The following SYT9 variants were observed in gnomAD, a reference collection of about 807,000 sequenced individuals.
SYT9 encodes the protein synaptotagmin 9, also known as synaptotagmin-9.
In SYT9, 22 loss-of-function variants were observed where a neutral mutation model predicts 48.4. The ratio of observed to expected loss-of-function variants is 0.45; its 90% CI spans 0.32 to 0.65. The LOEUF (loss-of-function observed/expected upper bound fraction) is 0.65, where lower values mean the gene tolerates loss of function less well. SYT9 is among the 30% of genes least tolerant of loss of function. SYT9 has a pLI of 0.03. For missense variants in SYT9, 577 were observed against 622.0 expected, an observed-to-expected ratio of 0.93 and a Z score of 0.77; for synonymous variants, 265 against 245.0, an observed-to-expected ratio of 1.08 and a Z score of -0.76.
intron 1 of SYT9, among the ~76,000 whole-genome samples, chr11:7,285,311 G>A (rs10769775): frequency 1 from 152,295 of 152,326 alleles, 76,132 homozygotes; most frequent in Non-Finnish European, 1. Flanking sequence ...GGAAGCAAAC[G>A]TGTCCTTCTT....
rs1022903985 is a variant in SYT9 at position 7,252,133 on chromosome 11, A to G, written c.-54A>G. On this transcript the variant is annotated 5_prime_UTR_variant, in exon 1 of 7. Transcript: ENST00000318881. This position sits in a 1 kb window ranked among gnomAD's most constrained non-coding sequence, Gnocchi z 6.3. The stretch of plus-strand genomic sequence containing the variant: ...GCGGCGGCTCTGAGCTGGCAGGCGG[A>G]GGGCTGTCTCCTGCGCCCGCCTGCC... 2.2e-6 allele frequency: 3 copies of G among 1,350,646 alleles called. No individual in the cohort carries two copies. Among genetic ancestry groups the G allele is most frequent in the Non-Finnish European group, 2.8e-6 (3 of 1,056,220 alleles). 83.7% of individuals were successfully genotyped at this position (1,350,646 alleles called of 1,614,324 possible).
intron 1 of SYT9, among the ~76,000 whole-genome samples, chr11:7,258,397 C>T (rs1331227011): frequency 6.6e-6 from 1 of 152,168 alleles, no homozygotes; most frequent in African/African-American, 2.4e-5. Flanking sequence ...ATCACGACTT[C>T]CTTTTCTTTC....
intron 1 of SYT9, among the ~76,000 whole-genome samples, chr11:7,277,834 T>G (rs1848426134): frequency 6.6e-6 from 1 of 152,204 alleles, no homozygotes; most frequent in South Asian, 2.1e-4. Context: ...CATGCATAGA[T>G]TGCTGAGAAA....
intron 3 of SYT9, among the ~76,000 whole-genome samples, chr11:7,374,044 G>A (rs1850409858): frequency 6.6e-6 from 1 of 151,928 alleles, no homozygotes; most frequent in Admixed American, 6.6e-5. Context: ...TCTACATTAG[G>A]TATTTCTCCC....
At position 7,468,610 on chromosome 11, in the gene SYT9, G is replaced by C; in HGVS notation, c.*1810G>C. 1 of 285,570 alleles carries C rather than the reference G, an allele frequency of 3.5e-6. No individual in the cohort carries two copies. Among genetic ancestry groups the C allele is most frequent in the Non-Finnish European group, 6.5e-6 (1 of 155,034 alleles). 17.7% of individuals were successfully genotyped at this position (285,570 alleles called of 1,614,324 possible). A position where few individuals can be genotyped will look rare whatever the true frequency, so the allele number is the denominator to read the frequency against. Reference sequence around the variant, plus strand: ...GAAATATTGTCTGTAAAGCTAGGCAGATGAGCCCAGAAGAATGGTCCCAGA... The same window carrying C: ...GAAATATTGTCTGTAAAGCTAGGCACATGAGCCCAGAAGAATGGTCCCAGA... On this transcript the variant is annotated 3_prime_UTR_variant, in exon 7 of 7. Coordinates refer to ENST00000318881, the MANE Select transcript of SYT9 (RefSeq NM_175733.4).
intron 6 of SYT9, among the ~76,000 whole-genome samples, chr11:7,436,607 G>A (rs1285546901): frequency 1.3e-5 from 2 of 151,810 alleles, no homozygotes; most frequent in African/African-American, 4.8e-5. Flanking sequence ...ATACAGTGGT[G>A]TCCAGTTGGT....
intron 3 of SYT9, among the ~76,000 whole-genome samples, chr11:7,366,740 A>C (rs1850250896): frequency 6.6e-6 from 1 of 152,078 alleles, no homozygotes; most frequent in African/African-American, 2.4e-5. Context: ...TTATTTCCTC[A>C]AGTCCTAGAA....
chr11:7,329,490 A>G (rs1311452595), intron 3 of SYT9, among the ~76,000 whole-genome samples: 5 of 152,170 alleles, frequency 3.3e-5, no homozygotes, highest in Non-Finnish European at 5.9e-5. Context: ...TATAAAATAT[A>G]TGACTCGACG....
chr11:7,363,249 G>C (rs1345345206), intron 3 of SYT9, among the ~76,000 whole-genome samples: 1 of 151,908 alleles, frequency 6.6e-6, no homozygotes, highest in Non-Finnish European at 1.5e-5. Context: ...AGAAGTTAGT[G>C]GGAAAACAAC....
At chr11:7,376,308 T>TTC (rs63008562) in intron 3 of SYT9, among the ~76,000 whole-genome samples, 1 of 144,176 alleles carries the variant, frequency 6.9e-6, no homozygotes, top group East Asian at 2.0e-4. Flanking sequence ...ATCTCTTCCT[T>TTC]TCTCTCTCTC....
intron 3 of SYT9, 78 bp from the exon 4 acceptor site, chr11:7,415,964 A>G: frequency 6.3e-7 from 1 of 1,582,372 alleles, no homozygotes; most frequent in Non-Finnish European, 8.7e-7. Context: ...GTTCCCTTTC[A>G]GTGTGGCCTG....
At chr11:7,366,772 T>G (rs571848899) in intron 3 of SYT9, among the ~76,000 whole-genome samples, 4 of 152,084 alleles carry the variant, frequency 2.6e-5, no homozygotes, top group Admixed American at 6.6e-5. Context: ...GGGCCAAATG[T>G]TATATATATT....
At chr11:7,423,347 A>G (rs1021757238) in intron 6 of SYT9, among the ~76,000 whole-genome samples, 2 of 151,976 alleles carry the variant, frequency 1.3e-5, no homozygotes, top group African/African-American at 4.9e-5. Flanking sequence ...GAGGTTGGCC[A>G]TGCTTCGTTA....
intron 1 of SYT9, among the ~76,000 whole-genome samples, chr11:7,258,130 A>T (rs1295824487): frequency 6.6e-6 from 1 of 152,146 alleles, no homozygotes; most frequent in South Asian, 2.1e-4. Context: ...TGCAAGTGCA[A>T]TTTCCCATAT....
intron 1 of SYT9, among the ~76,000 whole-genome samples, chr11:7,244,611 G>C (rs930996733): frequency 2.0e-5 from 3 of 152,180 alleles, no homozygotes; most frequent in Non-Finnish European, 2.9e-5. Context: ...AGCATTTGAT[G>C]GGAGTGCTAA....
intron 3 of SYT9, among the ~76,000 whole-genome samples, chr11:7,321,350 T>G (rs1484309237): frequency 1.3e-5 from 2 of 152,152 alleles, no homozygotes; most frequent in African/African-American, 2.4e-5. Flanking sequence ...CTGATGGAGG[T>G]GGACACCTGG....
At chr11:7,392,627 C>A (rs1268057466) in intron 3 of SYT9, among the ~76,000 whole-genome samples, 1 of 151,856 alleles carries the variant, frequency 6.6e-6, no homozygotes, top group Non-Finnish European at 1.5e-5. Context: ...ATAGCTTTTT[C>A]TAATTCTGTG....
intron 3 of SYT9, among the ~76,000 whole-genome samples, chr11:7,320,985 T>A (rs1415414821): frequency 6.6e-6 from 1 of 152,070 alleles, no homozygotes; most frequent in Non-Finnish European, 1.5e-5. Context: ...TATACCCCAC[T>A]TACTAGTGGC....
intron 3 of SYT9, among the ~76,000 whole-genome samples, chr11:7,328,797 A>C (rs961693516): frequency 6.6e-6 from 1 of 152,118 alleles, no homozygotes; most frequent in South Asian, 2.1e-4. Context: ...TAGCCCTCTC[A>C]GTTTTTACTT....
Sources: gnomAD v4.1 joint callset for allele counts (sites outside exome capture counted in the v4.1 genomes callset) on GRCh38, gnomAD v4.1.1 for gene constraint, Gnocchi (gnomAD v3.1) non-coding constraint, MANE v1.5 for transcripts, NCBI Gene and HGNC (gene_info 2026-07-23, HGNC 2026-07-21) for gene names.